CIMAP1B: variants seen among roughly 807,000 people sequenced by gnomAD.
CIMAP1B encodes orf2 5' to PD-ECGF/TP.
chr22:50,531,843 C>T, the CIMAP1B span: 2 of 1,333,006 alleles, frequency 1.5e-6, no homozygotes, highest in Non-Finnish European at 1.9e-6. Flanking sequence ...GACCCTCCCC[C>T]GGCACAGACC....
chr22:50,532,285 G>T, the CIMAP1B span: 21,146 of 652,204 alleles, frequency 0.032, 451 homozygotes, highest in Middle Eastern at 0.098. Flanking sequence ...GCCGGGAGCG[G>T]ATCCAGGGCC....
At chr22:50,530,998 G>A in the CIMAP1B span, 1 of 1,611,208 alleles carries the variant, frequency 6.2e-7, no homozygotes, top group East Asian at 2.2e-5. Context: ...GCAAGTTGGG[G>A]CGGAGACTTT....
At chr22:50,531,975 T>G in the CIMAP1B span, 1 of 1,340,394 alleles carries the variant, frequency 7.5e-7, no homozygotes. Flanking sequence ...CTACCGGTGT[T>G]GGGCGGCAGC....
At chr22:50,531,185 C>T in the CIMAP1B span, 1 of 1,611,526 alleles carries the variant, frequency 6.2e-7, no homozygotes, top group Non-Finnish European at 8.5e-7. Flanking sequence ...GCCGTTCTGA[C>T]CTCACCTGGG....
chr22:50,531,432 G>C, the CIMAP1B span: 5 of 1,086,740 alleles, frequency 4.6e-6, no homozygotes, highest in Non-Finnish European at 6.6e-6. Flanking sequence ...TTTGGGATTT[G>C]AGATCCGGAT....
At chr22:50,531,270 C>T in the CIMAP1B span, 3 of 1,609,802 alleles carry the variant, frequency 1.9e-6, no homozygotes, top group African/African-American at 1.3e-5. Context: ...ACGTCGCGTT[C>T]CCCGCTCGCT....
chr22:50,531,237 G>A, the CIMAP1B span: 9 of 1,611,952 alleles, frequency 5.6e-6, no homozygotes, highest in Non-Finnish European at 7.6e-6. Flanking sequence ...GGGGAGCAAT[G>A]GTGTGCCGAG....
the CIMAP1B span, chr22:50,531,958 G>A: frequency 3.8e-6 from 5 of 1,324,722 alleles, no homozygotes; most frequent in South Asian, 2.1e-5. Flanking sequence ...CCCGGGGCCT[G>A]CCCCTTCTAC....
chr22:50,530,570 C>G, the CIMAP1B span: 3 of 1,581,456 alleles, frequency 1.9e-6, no homozygotes, highest in South Asian at 1.1e-5. Flanking sequence ...GCTGCGGGCC[C>G]GGAGACACCG....
At chr22:50,531,317 T>TG in the CIMAP1B span, 5 of 1,582,920 alleles carry the variant, frequency 3.2e-6, no homozygotes, top group Non-Finnish European at 4.3e-6. Flanking sequence ...ATCAAGGGTG[T>TG]GGGGGGCTAG....
At chr22:50,530,772 C>G in the CIMAP1B span, 1 of 1,608,862 alleles carries the variant, frequency 6.2e-7, no homozygotes, top group Non-Finnish European at 8.5e-7. Flanking sequence ...GGAGCGAAGT[C>G]CGCGCCAGAA....
At chr22:50,531,586 GA>G in the CIMAP1B span, 1 of 1,417,228 alleles carries the variant, frequency 7.1e-7, no homozygotes, top group Admixed American at 3.4e-5. Flanking sequence ...CCGGAGTGAG[GA>G]AGGGCGCTGA....
the CIMAP1B span, chr22:50,532,156 T>G: frequency 7.7e-7 from 1 of 1,306,974 alleles, no homozygotes; most frequent in Non-Finnish European, 9.8e-7. Context: ...CCGCAAATTC[T>G]TGGGGAGCGC....
chr22:50,532,112 C>T, the CIMAP1B span: 3 of 1,341,436 alleles, frequency 2.2e-6, no homozygotes, highest in South Asian at 1.9e-5. Context: ...CTCGCAGCAC[C>T]TGCGGACAGA....
the CIMAP1B span, chr22:50,531,471 G>C: frequency 1.8e-6 from 2 of 1,127,678 alleles, no homozygotes; most frequent in South Asian, 3.3e-5. Context: ...CGGTGTTAGG[G>C]TATCCGAGGG....
the CIMAP1B span, chr22:50,531,140 G>C: frequency 1.3e-6 from 2 of 1,589,384 alleles, no homozygotes; most frequent in African/African-American, 2.7e-5. Flanking sequence ...GGCGGTCCCC[G>C]GTCTCGAGTG....
At chr22:50,531,254 T>C in the CIMAP1B span, 1 of 1,610,570 alleles carries the variant, frequency 6.2e-7, no homozygotes, top group South Asian at 1.1e-5. Context: ...CGAGGCGCAC[T>C]GGGGTACGTC....
the CIMAP1B span, chr22:50,531,048 GGCCGC>G: frequency 6.2e-7 from 1 of 1,610,044 alleles, no homozygotes; most frequent in Non-Finnish European, 8.5e-7. Flanking sequence ...GCACCGTATA[GGCCGC>G]GGGACCTGGG....
the CIMAP1B span, chr22:50,531,950 C>G: frequency 7.6e-7 from 1 of 1,322,100 alleles, no homozygotes; most frequent in Non-Finnish European, 9.7e-7. Context: ...CCCTCAATCC[C>G]GGGGCCTGCC....
Sources: allele counts gnomAD v4.1 joint callset, GRCh38; gene constraint gnomAD v4.1.1; transcripts MANE v1.5; gene names NCBI Gene and HGNC (gene_info 2026-07-23, HGNC 2026-07-21).